The following ABCA13 variants were observed in gnomAD, a reference collection of about 807,000 sequenced individuals.
ABCA13 encodes the protein ATP-binding cassette sub-family A member 13.
Under a neutral mutation model 478.7 loss-of-function variants are expected in ABCA13, and 476 were observed. That is an observed-to-expected ratio of 0.99 (90% CI 0.92 to 1.07). The LOEUF (loss-of-function observed/expected upper bound fraction) is 1.07. Among genes scored for constraint, ABCA13 ranks in the 50% least tolerant of loss-of-function variants. ABCA13 has a pLI of 0.00. For missense variants in ABCA13, 6,060 were observed against 5,910.6 expected (o/e 1.03, Z -0.83); for synonymous variants, 2,252 against 2,158.9 (o/e 1.04, Z -1.20).
At chr7:48,257,573 T>G (rs1793582912) in intron 15 of ABCA13, among the ~76,000 whole-genome samples, 1 of 152,182 alleles carries the variant, frequency 6.6e-6, no homozygotes, top group South Asian at 2.1e-4. Flanking sequence ...GTGGTTTTTG[T>G]TTTTAGTTCT....
chr7:48,271,805 G>T lies in ABCA13; in HGVS notation c.2139G>T (p.Lys713Asn). The T allele has an allele frequency of 6.6e-7, 1 of 1,511,314 alleles. No homozygotes were observed. The highest frequency in any genetic ancestry group is 8.9e-7 in the Non-Finnish European group (1 of 1,128,954). 93.6% of individuals were successfully genotyped at this position (1,511,314 alleles called of 1,614,324 possible). The change falls in exon 17 of 62, where the codon AAG (lysine) becomes AAT (asparagine). Residue 713 changes from lysine to asparagine, a missense_variant. Lys to Asn is a moderately conservative substitution (Grantham distance 94, BLOSUM62 0). Transcript: ENST00000435803. ...ASISRALNFT[K>N]HLLMMEKKLH... The stretch of plus-strand genomic sequence containing the variant: ...ATTACAGGGCTTTAAATTTCACAAA[G>T]CACCTTCTAATGATGGAAAAGAAGT...
chr7:48,362,297 A>G (rs1192610081), intron 31 of ABCA13, among the ~76,000 whole-genome samples: 2 of 151,472 alleles, frequency 1.3e-5, no homozygotes, highest in East Asian at 3.9e-4. Context: ...TACTGTGTGC[A>G]TTACTATGAA....
intron 24 of ABCA13, among the ~76,000 whole-genome samples, chr7:48,312,006 TAGAA>T (rs1379709872): frequency 6.6e-6 from 1 of 152,136 alleles, no homozygotes; most frequent in African/African-American, 2.4e-5. Context: ...CAGCTGCAAT[TAGAA>T]AGATGAGTAG....
At position 48,565,190 on chromosome 7, in the gene ABCA13, A is replaced by G. The variant is rs1786904194; in HGVS notation, c.14355-15034A>G. ...GGGAAGATTGGCAGCTGCTATGAACAGAGCATGTGTGTAATTTAATGAGCT... is the reference window on the plus strand; with the variant it reads ...GGGAAGATTGGCAGCTGCTATGAACGGAGCATGTGTGTAATTTAATGAGCT... On this transcript the variant is annotated intron_variant, in intron 55 of 61. Coordinates refer to ENST00000435803, the MANE Select transcript of ABCA13 (RefSeq NM_152701.5). Among the ~76,000 whole-genome samples the G allele has an allele frequency of 2.0e-5, 3 of 149,384 alleles. No homozygotes were observed. In the South Asian group the frequency reaches 6.4e-4, roughly 32 times the overall value.
chr7:48,389,335 T>C, intron 37 of ABCA13, 115 bp downstream of exon 37: 3 of 1,216,624 alleles, frequency 2.5e-6, no homozygotes, highest in Non-Finnish European at 3.4e-6. Context: ...TGAGTCTCAA[T>C]ACAGAGTTTA....
chr7:48,350,028 A>C (rs1669845910), intron 29 of ABCA13, among the ~76,000 whole-genome samples: 1 of 152,224 alleles, frequency 6.6e-6, no homozygotes, highest in Admixed American at 6.5e-5. Context: ...AGATATCCTC[A>C]GCCTTTTGCC....
intron 10 of ABCA13, among the ~76,000 whole-genome samples, chr7:48,241,605 G>C (rs928632920): frequency 9.9e-5 from 15 of 152,164 alleles, no homozygotes; most frequent in Admixed American, 6.5e-5. Flanking sequence ...TCCTTAGTAG[G>C]TGTGGCAGTT....
intron 15 of ABCA13, among the ~76,000 whole-genome samples, chr7:48,249,787 C>T (rs913349774): frequency 1.3e-5 from 2 of 152,198 alleles, no homozygotes; most frequent in Non-Finnish European, 2.9e-5. Flanking sequence ...TCTATACACA[C>T]ACTCAACACT....
chr7:48,203,088 C>G (rs886235639), intron 3 of ABCA13, among the ~76,000 whole-genome samples: 2 of 152,224 alleles, frequency 1.3e-5, no homozygotes, highest in African/African-American at 4.8e-5. Flanking sequence ...GGCGAGAAAT[C>G]GAGCGCAGCG....
chr7:48,278,853 A>G lies in ABCA13; in HGVS notation c.7659A>G (p.Lys2553=). 1 of 1,613,616 alleles carries G rather than the reference A, an allele frequency of 6.2e-7. No homozygotes were observed. Among genetic ancestry groups the G allele is most frequent in the Non-Finnish European group, 8.5e-7 (1 of 1,179,880 alleles). The change falls in exon 18 of 62, where the codon AAA becomes AAG. Residue 2553 remains lysine (K), a synonymous_variant. Coordinates refer to ENST00000435803, the MANE Select transcript of ABCA13 (RefSeq NM_152701.5). ...HFISNTKDSV[K]FFDTLYSIMQ... ...TCTCCAATACCAAGGACAGTGTGAAATTCTTTGACACTCTGTATTCCATCA... is the reference window on the plus strand; with the variant it reads ...TCTCCAATACCAAGGACAGTGTGAAGTTCTTTGACACTCTGTATTCCATCA...
intron 8 of ABCA13, among the ~76,000 whole-genome samples, chr7:48,234,873 A>C (rs188194968): frequency 6.6e-6 from 1 of 152,266 alleles, no homozygotes; most frequent in Admixed American, 6.5e-5. Flanking sequence ...TGAGTTAGGA[A>C]TGTTTGGAGA....
intron 1 of ABCA13, among the ~76,000 whole-genome samples, chr7:48,176,247 C>A (rs1583964265): frequency 6.6e-6 from 1 of 152,270 alleles, no homozygotes; most frequent in East Asian, 1.9e-4. Context: ...GTAAGTGATA[C>A]CAGCTTTTTG....
chr7:48,372,983 C>T (rs7809097), intron 33 of ABCA13, among the ~76,000 whole-genome samples: 5,895 of 152,226 alleles, frequency 0.039, 134 homozygotes, highest in Middle Eastern at 0.061. Flanking sequence ...ACATCAAATA[C>T]GTAGAACATA....
chr7:48,350,586 G>A (rs1354849354), intron 29 of ABCA13, 57 bp from the exon 30 acceptor site: 5 of 1,455,014 alleles, frequency 3.4e-6, no homozygotes, highest in Non-Finnish European at 1.8e-6. Flanking sequence ...CTATATGAGT[G>A]GTAAGCACTG....
intron 59 of ABCA13, among the ~76,000 whole-genome samples, chr7:48,630,024 C>T (rs1217921120): frequency 6.6e-6 from 1 of 152,046 alleles, no homozygotes; most frequent in Non-Finnish European, 1.5e-5. Context: ...CTATTTTGTT[C>T]TACTTTTCCT....
chr7:48,644,589 C>CTTTTTTTTT (rs71006572), intron 60 of ABCA13, 28 bp from the exon 61 acceptor site: 3 of 1,413,344 alleles, frequency 2.1e-6, no homozygotes, highest in African/African-American at 1.6e-5. Flanking sequence ...TTATATGATA[C>CTTTTTTTTT]TTTTTTTTTT....
chr7:48,319,796 C>G (rs1269549767), intron 27 of ABCA13, among the ~76,000 whole-genome samples: 1 of 152,170 alleles, frequency 6.6e-6, no homozygotes, highest in Non-Finnish European at 1.5e-5. Flanking sequence ...ATTGCATTCT[C>G]TTTGAAGGAC....
chr7:48,334,877 C>G (rs951358721), intron 27 of ABCA13, among the ~76,000 whole-genome samples: 2 of 152,160 alleles, frequency 1.3e-5, no homozygotes, highest in Non-Finnish European at 2.9e-5. Context: ...TTTATTTAAA[C>G]TATTTCCTTA....
chr7:48,580,953 C>G lies in ABCA13; in HGVS notation c.14505+579C>G, dbSNP rs950466722. On this transcript the variant is annotated intron_variant, in intron 56 of 61. Coordinates refer to ENST00000435803, the MANE Select transcript of ABCA13 (RefSeq NM_152701.5). ...TGTGACAGGAGAGAGGCAGGTGGAG[C>G]AGTGAGAGAGCAAAAGACAGCTGCC... is the stretch of plus-strand genomic sequence containing the variant. Among the ~76,000 whole-genome samples, 3 of 152,056 alleles carry G rather than the reference C, an allele frequency of 2.0e-5. No homozygotes were observed. In the East Asian group the frequency reaches 5.8e-4, roughly 29 times the overall value.
Sources: gnomAD v4.1 joint callset for allele counts (sites outside exome capture counted in the v4.1 genomes callset) on GRCh38, gnomAD v4.1.1 for gene constraint, MANE v1.5 for transcripts, NCBI Gene and HGNC (gene_info 2026-07-23, HGNC 2026-07-21) for gene names.